Variants in PAWR observed in about 807,000 individuals in gnomAD.
PAWR encodes the protein pro-apoptotic WT1 regulator.
In PAWR, 23 loss-of-function variants were observed where a neutral mutation model predicts 32.0. That is an observed-to-expected ratio of 0.72 (90% CI 0.52 to 1.02). The LOEUF (loss-of-function observed/expected upper bound fraction) is 1.02. Ranked by LOEUF, PAWR falls within the 50% of genes least tolerant of loss-of-function variation. The probability of loss-of-function intolerance (pLI) is 0.00; values close to 1 mark genes in which losing one functional copy is unlikely to be tolerated. For missense variants in PAWR, 457 were observed against 437.7 expected (o/e 1.04, Z -0.39); for synonymous variants, 226 against 187.1 (o/e 1.21, Z -1.70).
chr12:79,689,236 A>G lies in PAWR; in HGVS notation c.516+493T>C, dbSNP rs1878840283. On this transcript the variant is annotated intron_variant, in intron 2 of 6. Transcript: ENST00000328827. The stretch of plus-strand genomic sequence containing the variant: ...GATATACTCATCTTGAGCTCACTGT[A>G]AGATAAAGCTGTCTTGGATATTGCT... 1.3e-5 allele frequency among the ~76,000 whole-genome samples: 2 copies of G among 152,228 alleles called. 1 individual carries two copies. The highest frequency in any genetic ancestry group is 4.1e-4 in the South Asian group (2 of 4,834).
At chr12:79,671,630 T>C (rs1255465040) in intron 2 of PAWR, among the ~76,000 whole-genome samples, 1 of 151,718 alleles carries the variant, frequency 6.6e-6, no homozygotes, top group East Asian at 1.9e-4. Context: ...TTTAGTTTCC[T>C]CGATACGAGG....
chr12:79,645,101 G>A (rs1028477884), intron 2 of PAWR, among the ~76,000 whole-genome samples: 1 of 150,554 alleles, frequency 6.6e-6, no homozygotes, highest in African/African-American at 2.5e-5. Context: ...TGAGGGTAGA[G>A]CTTCTAATCG....
At chr12:79,626,764 GGT>G (rs1875348671) in intron 2 of PAWR, among the ~76,000 whole-genome samples, 1 of 151,576 alleles carries the variant, frequency 6.6e-6, no homozygotes, top group South Asian at 2.1e-4. Flanking sequence ...AACAGTCCCT[GGT>G]GTGTTATGTT....
At chr12:79,615,677 G>A (rs1874695230) in intron 3 of PAWR, among the ~76,000 whole-genome samples, 1 of 152,096 alleles carries the variant, frequency 6.6e-6, no homozygotes, top group African/African-American at 2.4e-5. Context: ...TTATTTAGAT[G>A]GTTATTTAAT....
chr12:79,611,287 A>G (rs950717692), intron 4 of PAWR, among the ~76,000 whole-genome samples: 1 of 146,710 alleles, frequency 6.8e-6, no homozygotes, highest in Admixed American at 6.8e-5. Context: ...TTTATATAAA[A>G]TATATATAAT....
intron 2 of PAWR, among the ~76,000 whole-genome samples, chr12:79,650,536 C>T (rs1876790894): frequency 6.6e-6 from 1 of 151,940 alleles, no homozygotes; most frequent in South Asian, 2.1e-4. Flanking sequence ...ATCTACTAAA[C>T]CAGGAGTTGG....
chr12:79,651,874 A>G (rs768827414), intron 2 of PAWR, among the ~76,000 whole-genome samples: 5 of 152,212 alleles, frequency 3.3e-5, no homozygotes, highest in Non-Finnish European at 7.3e-5. Flanking sequence ...CCAAGCTACC[A>G]ATGAATGAAG....
Position 79,632,517 on chromosome 12 carries a change from T to C in PAWR, c.517-11310A>G, listed in dbSNP as rs567332062. On this transcript the variant is annotated intron_variant, in intron 2 of 6. Coordinates refer to ENST00000328827, the MANE Select transcript of PAWR (RefSeq NM_002583.4). Reference sequence around the variant, plus strand: ...GAGACTATGGGTGCTTGCCACCATGTCTGGCTAATTCTTGTTTTGTTTTGT... The same window carrying C: ...GAGACTATGGGTGCTTGCCACCATGCCTGGCTAATTCTTGTTTTGTTTTGT... Among the ~76,000 whole-genome samples, 12 of 150,324 alleles carry C rather than the reference T, an allele frequency of 8.0e-5. No individual in the cohort carries two copies. The South Asian group carries it at 2.5e-3, about 32-fold the overall frequency.
intron 4 of PAWR, among the ~76,000 whole-genome samples, chr12:79,607,250 C>T (rs1203529862): frequency 6.6e-6 from 1 of 151,852 alleles, no homozygotes; most frequent in Non-Finnish European, 1.5e-5. Context: ...ACAGTGAAAC[C>T]CCATCTCTAG....
chr12:79,668,869 A>G (rs1344253038), intron 2 of PAWR, among the ~76,000 whole-genome samples: 1 of 152,200 alleles, frequency 6.6e-6, no homozygotes, highest in Non-Finnish European at 1.5e-5. Context: ...AAATATAAGG[A>G]GAGGAATCCA....
At chr12:79,608,981 G>A (rs1322192653) in intron 4 of PAWR, among the ~76,000 whole-genome samples, 1 of 152,054 alleles carries the variant, frequency 6.6e-6, no homozygotes. Context: ...GGAGGTAAAG[G>A]TTGCTTCAGC....
intron 2 of PAWR, among the ~76,000 whole-genome samples, chr12:79,657,557 T>C (rs898328910): frequency 6.6e-6 from 1 of 152,238 alleles, no homozygotes; most frequent in Non-Finnish European, 1.5e-5. Context: ...TTTGGGAGGC[T>C]GAGGCGGGCG....
chr12:79,617,257 CAGG>C (rs1240802420), intron 3 of PAWR, among the ~76,000 whole-genome samples: 1 of 152,174 alleles, frequency 6.6e-6, no homozygotes, highest in Non-Finnish European at 1.5e-5. Context: ...GAGGCTGAGA[CAGG>C]AGAATTGCTT....
intron 2 of PAWR, among the ~76,000 whole-genome samples, chr12:79,671,514 A>C (rs984764308): frequency 1.3e-5 from 2 of 152,172 alleles, no homozygotes; most frequent in Admixed American, 6.5e-5. Flanking sequence ...GTTTACCAAG[A>C]AGTTTTACTG....
At chr12:79,638,664 A>C (rs539782236) in intron 2 of PAWR, among the ~76,000 whole-genome samples, 1 of 151,406 alleles carries the variant, frequency 6.6e-6, no homozygotes, top group Admixed American at 6.6e-5. Context: ...CAACAACGGC[A>C]GTGGGTTGTA....
chr12:79,634,100 A>G (rs943855512), intron 2 of PAWR, among the ~76,000 whole-genome samples: 1 of 152,172 alleles, frequency 6.6e-6, no homozygotes, highest in African/African-American at 2.4e-5. Flanking sequence ...TAAAAATGCA[A>G]TAAAATTTAT....
intron 4 of PAWR, 60 bp downstream of exon 4, chr12:79,613,515 C>T (rs1400022424): frequency 1.9e-5 from 16 of 864,118 alleles, no homozygotes; most frequent in Non-Finnish European, 3.0e-5. Flanking sequence ...CTAGTTAAGT[C>T]AATGTCAGAC....
intron 2 of PAWR, among the ~76,000 whole-genome samples, chr12:79,651,731 G>A (rs1876858431): frequency 6.6e-6 from 1 of 151,812 alleles, no homozygotes; most frequent in East Asian, 1.9e-4. Context: ...GGCCAGGTGG[G>A]AATTTCGATG....
intron 4 of PAWR, among the ~76,000 whole-genome samples, chr12:79,607,250 C>G (rs1203529862): frequency 6.6e-6 from 1 of 151,852 alleles, no homozygotes; most frequent in Non-Finnish European, 1.5e-5. Context: ...ACAGTGAAAC[C>G]CCATCTCTAG....
Sources: gnomAD v4.1 joint callset for allele counts (sites outside exome capture counted in the v4.1 genomes callset) on GRCh38, gnomAD v4.1.1 for gene constraint, MANE v1.5 for transcripts, NCBI Gene and HGNC (gene_info 2026-07-23, HGNC 2026-07-21) for gene names.